Variants in RUSC2 observed in about 807,000 individuals in gnomAD.
RUSC2 encodes the protein RUN and SH3 domain containing 2, also known as AP-4 complex accessory subunit RUSC2.
A neutral mutation model predicts 122.2 loss-of-function variants in RUSC2; 34 were observed. The ratio of observed to expected loss-of-function variants is 0.28; its 90% CI spans 0.21 to 0.37. The LOEUF is 0.37. Among genes scored for constraint, RUSC2 ranks in the 10% least tolerant of loss-of-function variants. RUSC2 has a pLI of 1.00. For synonymous variants in RUSC2, 784 were observed against 790.0 expected (o/e 0.99, Z 0.13); for missense variants, 1,747 against 1,952.4 (o/e 0.89, Z 1.98).
intron 1 of RUSC2, among the ~76,000 whole-genome samples, chr9:35,509,161 CA>C (rs1043821575): frequency 2.6e-5 from 4 of 151,330 alleles, no homozygotes; most frequent in African/African-American, 4.8e-5. Context: ...CTCGTCTCTT[CA>C]AAAAAAAATT....
chr9:35,535,016 A>C (rs1256386714), intron 1 of RUSC2, among the ~76,000 whole-genome samples: 1 of 151,780 alleles, frequency 6.6e-6, no homozygotes, highest in African/African-American at 2.4e-5. Context: ...CAGGAAGTCA[A>C]AGTTTTTCTG....
At chr9:35,556,972 C>T (rs761147939) in intron 5 of RUSC2, among the ~76,000 whole-genome samples, 2 of 152,170 alleles carry the variant, frequency 1.3e-5, no homozygotes, top group Non-Finnish European at 2.9e-5. Flanking sequence ...TTCAGAGTCA[C>T]GCTCCGGTCC....
intron 1 of RUSC2, among the ~76,000 whole-genome samples, chr9:35,529,183 T>C (rs1389106479): frequency 6.6e-6 from 1 of 152,076 alleles, no homozygotes; most frequent in Non-Finnish European, 1.5e-5. Flanking sequence ...AGGGTAGAGA[T>C]ATAAAGAAAA....
Position 35,560,251 on chromosome 9 carries a change from C to A in RUSC2, c.3611C>A (p.Ser1204Tyr), listed in dbSNP as rs751360396. Residue 1204 changes from serine to tyrosine, a missense_variant, in exon 10 of 12, where the codon TCC (serine) becomes TAC (tyrosine). Physicochemically the swap from Ser to Tyr is moderately radical, Grantham distance 144 (BLOSUM62 -2). Transcript: ENST00000361226. ...CAGGACCTGCTGCTGTCTGCCCACT[C>A]CACGCTGCAGCTGGCCCGGGCCCGG... is the stretch of plus-strand genomic sequence containing the variant. ...VSQDLLLSAH[S>Y]TLQLARARGQ... 8.8e-6 allele frequency: 14 copies of A among 1,596,344 alleles called. No individual in the cohort carries two copies. In the African/African-American group the frequency reaches 1.7e-4, roughly 20 times the overall value.
chr9:35,494,710 T>G (rs1254463238), intron 1 of RUSC2, among the ~76,000 whole-genome samples: 1 of 151,560 alleles, frequency 6.6e-6, no homozygotes, highest in Non-Finnish European at 1.5e-5. Flanking sequence ...GATGTATGAT[T>G]TGCAAATATT....
intron 1 of RUSC2, among the ~76,000 whole-genome samples, chr9:35,492,779 C>T (rs1820592593): frequency 6.6e-6 from 1 of 152,010 alleles, no homozygotes; most frequent in African/African-American, 2.4e-5. Flanking sequence ...ATCTCCAGAA[C>T]TTTTTTTCAT....
chr9:35,536,589 G>C (rs1173376092), intron 1 of RUSC2, among the ~76,000 whole-genome samples: 1 of 152,028 alleles, frequency 6.6e-6, no homozygotes, highest in Non-Finnish European at 1.5e-5. Context: ...GAGGCGGGTG[G>C]ATCACCTGAG....
In RUSC2 at chr9:35,493,758, C is replaced by T. The variant is rs192614899; in HGVS notation, c.-93+3586C>T. Among the ~76,000 whole-genome samples, 35 of 152,304 alleles carry T rather than the reference C, an allele frequency of 2.3e-4. 1 individual carries two copies. Among genetic ancestry groups the T allele is most frequent in the Admixed American group, 1.6e-3 (25 of 15,294 alleles). ...CCTCAAGTGATCCACTAGCCTCAGCCTCCCAAAGTGCTGGGATTACAGGTG... is the reference window on the plus strand; with the variant it reads ...CCTCAAGTGATCCACTAGCCTCAGCTTCCCAAAGTGCTGGGATTACAGGTG... On this transcript the variant is annotated intron_variant, in intron 1 of 11. Transcript: ENST00000361226.
In RUSC2 at chr9:35,561,605, C is replaced by G. The variant is rs1017695666; in HGVS notation, c.*223C>G. ...CCCAGGAGAGGGATGGGACACAGCA[C>G]TGGGCTGCCAGGATTCCCCTGGCCC... On this transcript the variant is annotated 3_prime_UTR_variant, in exon 12 of 12. Transcript: ENST00000361226. 1 of 585,940 alleles carries G rather than the reference C, an allele frequency of 1.7e-6. No individual in the cohort carries two copies. The highest frequency in any genetic ancestry group is 3.0e-6 in the Non-Finnish European group (1 of 332,662). The allele number at this position is 585,940 out of a possible 1,614,324, so 36.3% of individuals were successfully genotyped here. A position where few individuals can be genotyped will look rare whatever the true frequency, so the allele number is the denominator to read the frequency against.
intron 1 of RUSC2, among the ~76,000 whole-genome samples, chr9:35,533,258 A>G (rs76607282): frequency 3.3e-5 from 5 of 150,882 alleles, no homozygotes; most frequent in Non-Finnish European, 4.4e-5. Flanking sequence ...AAAAAAAAAA[A>G]AAGAAGAATT....
chr9:35,549,452 A>T (rs1397072709), intron 2 of RUSC2, among the ~76,000 whole-genome samples: 1 of 152,204 alleles, frequency 6.6e-6, no homozygotes, highest in Non-Finnish European at 1.5e-5. Flanking sequence ...GAGAGATGAG[A>T]GGGATGACTC....
At chr9:35,535,534 CTTTTTTTTTTT>C (rs1174623935) in intron 1 of RUSC2, among the ~76,000 whole-genome samples, 2 of 130,122 alleles carry the variant, frequency 1.5e-5, no homozygotes, top group African/African-American at 2.8e-5. Flanking sequence ...AGGAGCTTCT[CTTTTTTTTTTT>C]TTTTTTTTTG....
intron 1 of RUSC2, among the ~76,000 whole-genome samples, chr9:35,497,800 C>T (rs1329540421): frequency 1.3e-5 from 2 of 152,202 alleles, no homozygotes; most frequent in Non-Finnish European, 2.9e-5. Flanking sequence ...CTCCTCCTTT[C>T]ACTCCTTTGG....
intron 1 of RUSC2, among the ~76,000 whole-genome samples, chr9:35,499,473 TGA>T (rs1342795555): frequency 6.6e-6 from 1 of 152,164 alleles, no homozygotes; most frequent in Non-Finnish European, 1.5e-5. Context: ...TTCAAGAAAA[TGA>T]GATGGTAAAC....
At chr9:35,491,089 A>G (rs1359749621) in intron 1 of RUSC2, among the ~76,000 whole-genome samples, 1 of 146,276 alleles carries the variant, frequency 6.8e-6, no homozygotes, top group Non-Finnish European at 1.5e-5. Flanking sequence ...GATAAAGAAC[A>G]CAGGCCTTAA....
At chr9:35,538,759 C>G (rs959091093) in intron 1 of RUSC2, 3 of 152,512 alleles carry the variant, frequency 2.0e-5, no homozygotes, top group African/African-American at 7.2e-5. Context: ...CTTTCTCTAC[C>G]CTCCCCCTTC....
chr9:35,561,439 G>A lies in RUSC2; in HGVS notation c.*57G>A, dbSNP rs1822173608. 15 of 1,449,298 alleles carry A rather than the reference G, an allele frequency of 1.0e-5. No individual in the cohort carries two copies. The highest frequency in any genetic ancestry group is 4.2e-5 in the Admixed American group (2 of 47,546). The allele number at this position is 1,449,298 out of a possible 1,614,324, so 89.8% of individuals were successfully genotyped here. ...CTCATAACCCCCAGACTCAGAGCCC[G>A]AGAGCCCTTCCCAAGCCATTGGCTT... On this transcript the variant is annotated 3_prime_UTR_variant, in exon 12 of 12. Coordinates refer to ENST00000361226, the MANE Select transcript of RUSC2 (RefSeq NM_014806.5).
rs1330223323 is a variant in RUSC2, at chr9:35,548,569, A to G, written c.2014+34A>G. ...CCTAAGGGTTAGCAAATATGTGGCT[A>G]TTCACCAGCAGGATATGCATGGCCA... On this transcript the variant is annotated intron_variant, in intron 2 of 11. Transcript: ENST00000361226. This position sits in a 1 kb window ranked among gnomAD's most constrained non-coding sequence, Gnocchi z 4.5. The G allele has an allele frequency of 3.2e-6, 5 of 1,558,762 alleles. No homozygotes were observed. Among genetic ancestry groups the G allele is most frequent in the Admixed American group, 3.7e-5 (2 of 54,404 alleles).
At chr9:35,513,440 G>A (rs1434322301) in intron 1 of RUSC2, among the ~76,000 whole-genome samples, 1 of 151,576 alleles carries the variant, frequency 6.6e-6, no homozygotes, top group African/African-American at 2.4e-5. Flanking sequence ...ATGGGGTTTC[G>A]CCATGTTGGC....
Sources: gnomAD v4.1 joint callset for allele counts (sites outside exome capture counted in the v4.1 genomes callset) on GRCh38, gnomAD v4.1.1 for gene constraint, Gnocchi (gnomAD v3.1) non-coding constraint, MANE v1.5 for transcripts, NCBI Gene and HGNC (gene_info 2026-07-23, HGNC 2026-07-21) for gene names.